Variants in VTI1A observed in about 807,000 individuals in gnomAD.
VTI1A encodes the protein vesicle transport through interaction with t-SNAREs 1A.
In VTI1A, 22 loss-of-function variants were observed where a neutral mutation model predicts 34.9. The ratio of observed to expected loss-of-function variants is 0.63; its 90% CI spans 0.45 to 0.90. VTI1A has a LOEUF of 0.90. Ranked by LOEUF, VTI1A falls within the 40% of genes least tolerant of loss-of-function variation. The pLI is 0.00. For missense variants in VTI1A, 268 were observed against 275.6 expected (o/e 0.97, Z 0.20); for synonymous variants, 87 against 97.3 (o/e 0.89, Z 0.62).
chr10:112,833,150 C>T, the VTI1A span, among the ~76,000 whole-genome samples: 1 of 152,096 alleles, frequency 6.6e-6, no homozygotes, highest in Non-Finnish European at 1.5e-5. Context: ...TCCCCATGCT[C>T]CTGACAGACA....
the VTI1A span, among the ~76,000 whole-genome samples, chr10:112,837,462 G>A: frequency 6.6e-6 from 1 of 152,206 alleles, no homozygotes; most frequent in African/African-American, 2.4e-5. Flanking sequence ...TCCAGGCGTG[G>A]TTGCGTGGGA....
intron 7 of VTI1A, among the ~76,000 whole-genome samples, chr10:112,811,653 C>T (rs1433397352): frequency 7.4e-6 from 1 of 135,728 alleles, no homozygotes; most frequent in East Asian, 2.1e-4. Flanking sequence ...CACTGCACTC[C>T]AGCCTGGGCG....
chr10:112,714,734 G>A (rs1157045647), intron 7 of VTI1A, among the ~76,000 whole-genome samples: 1 of 152,242 alleles, frequency 6.6e-6, no homozygotes, highest in African/African-American at 2.4e-5. Flanking sequence ...CCCAGGCACA[G>A]GAGGATCAGG....
At chr10:112,520,649 A>G (rs7084393) in intron 3 of VTI1A, among the ~76,000 whole-genome samples, 55,421 of 99,368 alleles carry the variant, frequency 0.56, 11,636 homozygotes, top group Non-Finnish European at 0.63. Context: ...GTGTGTGTGT[A>G]TATATATATA....
intron 4 of VTI1A, among the ~76,000 whole-genome samples, chr10:112,533,782 A>G (rs1850529049): frequency 6.6e-6 from 1 of 150,874 alleles, no homozygotes. Context: ...ACTGGGACAA[A>G]GTTAATACTT....
intron 4 of VTI1A, among the ~76,000 whole-genome samples, chr10:112,529,992 TA>T (rs1401589358): frequency 4.6e-5 from 7 of 152,160 alleles, no homozygotes; most frequent in African/African-American, 1.7e-4. Context: ...TAAAGTATGT[TA>T]ATTTACTCTT....
In VTI1A at chr10:112,790,764, GT is replaced by G. The variant is rs56892510; in HGVS notation, c.561-24512del. 6.3e-3 allele frequency among the ~76,000 whole-genome samples: 894 copies of G among 142,230 alleles called. 10 individuals are homozygous for G. Among genetic ancestry groups the G allele is most frequent in the African/African-American group, 0.019 (723 of 38,620 alleles). The allele number at this position is 142,230 out of a possible 152,430, so 93.3% of individuals were successfully genotyped here. A position where few individuals can be genotyped will look rare whatever the true frequency, so the allele number is the denominator to read the frequency against. On this transcript the variant is annotated intron_variant, in intron 7 of 7. Coordinates refer to ENST00000393077, the MANE Select transcript of VTI1A (RefSeq NM_145206.4). Reference sequence around the variant, plus strand: ...GTCGTCATCCAGATCACTAAAAGACGTTTTTTTTTTTTTTGGTGCATTCTCC... The same window carrying G: ...GTCGTCATCCAGATCACTAAAAGACGTTTTTTTTTTTTTGGTGCATTCTCC...
intron 3 of VTI1A, among the ~76,000 whole-genome samples, chr10:112,500,094 C>A (rs1400299495): frequency 6.6e-6 from 1 of 152,186 alleles, no homozygotes. Context: ...TTAAATCTAG[C>A]TAAAAGACAT....
At chr10:112,677,937 T>C (rs1437177420) in intron 7 of VTI1A, 1 of 152,222 alleles carries the variant, frequency 6.6e-6, no homozygotes, top group African/African-American at 2.4e-5. Flanking sequence ...CATGTTACCC[T>C]GATGTAGGCC....
At chr10:112,761,808 G>T (rs1851476148) in intron 7 of VTI1A, among the ~76,000 whole-genome samples, 1 of 147,510 alleles carries the variant, frequency 6.8e-6, no homozygotes. Flanking sequence ...GTATGTATAT[G>T]AATATATTAA....
At chr10:112,634,208 A>G (rs1846255482) in intron 5 of VTI1A, 1 of 154,616 alleles carries the variant, frequency 6.5e-6, no homozygotes, top group Non-Finnish European at 1.5e-5. Context: ...GCCTGTGGCA[A>G]GACCACTTCG....
intron 3 of VTI1A, among the ~76,000 whole-genome samples, chr10:112,499,243 G>T (rs1040227731): frequency 2.0e-4 from 31 of 152,180 alleles, no homozygotes; most frequent in Middle Eastern, 3.4e-3. Flanking sequence ...TGTTTCTGAG[G>T]TCTTTCTCCA....
chr10:112,484,483 C>A (rs954536336), intron 3 of VTI1A, among the ~76,000 whole-genome samples: 2 of 152,168 alleles, frequency 1.3e-5, no homozygotes, highest in Admixed American at 1.3e-4. Context: ...TTTGTGAAGT[C>A]TTTTCTAGGA....
chr10:112,502,890 A>T (rs1269631491), intron 3 of VTI1A, among the ~76,000 whole-genome samples: 1 of 152,176 alleles, frequency 6.6e-6, no homozygotes, highest in African/African-American at 2.4e-5. Flanking sequence ...TTCTGTTTCT[A>T]GTGTTAGTAT....
In VTI1A at chr10:112,816,005, ATATT is replaced by A. The variant is rs1853511354; in HGVS notation, c.*624_*627del. The A allele has an allele frequency of 1.3e-5, 3 of 224,750 alleles. No homozygotes were observed. The East Asian group carries it at 1.9e-4, about 14-fold the overall frequency. 13.9% of individuals were successfully genotyped at this position (224,750 alleles called of 1,614,324 possible). A position where few individuals can be genotyped will look rare whatever the true frequency, so the allele number is the denominator to read the frequency against. ...GCATAATTTTTTTTTTAACCCAAAG[ATATT>A]TTTTTTGCTGAGCCTGCCCAGTATT... On this transcript the variant is annotated 3_prime_UTR_variant, in exon 8 of 8. Coordinates refer to ENST00000393077, the MANE Select transcript of VTI1A (RefSeq NM_145206.4).
intron 3 of VTI1A, among the ~76,000 whole-genome samples, chr10:112,468,573 A>G (rs1186985753): frequency 3.3e-5 from 5 of 152,126 alleles, no homozygotes; most frequent in African/African-American, 9.7e-5. Flanking sequence ...ACAACTCAAT[A>G]CTGTTTTCTT....
At chr10:112,521,993 A>G (rs897767636) in intron 3 of VTI1A, among the ~76,000 whole-genome samples, 2 of 152,030 alleles carry the variant, frequency 1.3e-5, no homozygotes, top group South Asian at 4.1e-4. Flanking sequence ...CCAAAGATAG[A>G]TGCATTTTAG....
intron 5 of VTI1A, among the ~76,000 whole-genome samples, chr10:112,582,754 A>T (rs1390080736): frequency 6.6e-6 from 1 of 152,082 alleles, no homozygotes. Context: ...GTGCCTTTTA[A>T]CTTAAACGTG....
intron 7 of VTI1A, among the ~76,000 whole-genome samples, chr10:112,719,345 A>G (rs551003259): frequency 6.6e-6 from 1 of 152,352 alleles, no homozygotes; most frequent in East Asian, 1.9e-4. Flanking sequence ...AAATGCTATT[A>G]TACAAACATA....
Sources: allele counts gnomAD v4.1 joint callset (sites outside exome capture counted in the v4.1 genomes callset), GRCh38; gene constraint gnomAD v4.1.1; transcripts MANE v1.5; gene names NCBI Gene and HGNC (gene_info 2026-07-23, HGNC 2026-07-21).